Variants in NCOR2 observed in about 807,000 individuals in gnomAD.
The protein encoded by NCOR2 is CTG repeat protein 26.
A neutral mutation model predicts 262.9 loss-of-function variants in NCOR2; 81 were observed. That is an observed-to-expected ratio of 0.31 (90% confidence interval 0.26 to 0.37). The LOEUF is 0.37. Ranked by LOEUF, NCOR2 falls within the 10% of genes least tolerant of loss-of-function variation. The probability of loss-of-function intolerance (pLI) is 1.00; values close to 1 mark genes in which losing one functional copy is unlikely to be tolerated. For synonymous variants in NCOR2, 1,659 were observed against 1,559.3 expected, an observed-to-expected ratio of 1.06 and a Z score of -1.51; for missense variants, 3,385 against 3,621.4, an observed-to-expected ratio of 0.93 and a Z score of 1.68.
chr12:124,368,400 A>C (rs377648216), intron 20 of NCOR2, among the ~76,000 whole-genome samples: 2 of 152,254 alleles, frequency 1.3e-5, no homozygotes, highest in South Asian at 4.1e-4. Context: ...AAGCTGGGAC[A>C]ATCCTTGCCA....
intron 10 of NCOR2, among the ~76,000 whole-genome samples, chr12:124,429,184 C>T (rs1029713181): frequency 6.6e-6 from 1 of 152,274 alleles, no homozygotes; most frequent in Admixed American, 6.5e-5. Flanking sequence ...CATGCTCCCC[C>T]CACCCTGCCA....
In NCOR2 at chr12:124,348,327, CAA is replaced by C; in HGVS notation, c.3845-15_3845-14del. On this transcript the variant is annotated splice_polypyrimidine_tract_variant and intron_variant, in intron 28 of 46. Coordinates refer to ENST00000405201, the Ensembl canonical transcript of NCOR2. ...ACAGACATGCCACCTGGAAACCACACAAAGCACTCGGTGAGGAGCTGGGCACG... is the reference window on the plus strand; with the variant it reads ...ACAGACATGCCACCTGGAAACCACACAGCACTCGGTGAGGAGCTGGGCACG... 1 of 1,596,718 alleles carries C rather than the reference CAA, an allele frequency of 6.3e-7. No individual in the cohort carries two copies. The highest frequency in any genetic ancestry group is 8.5e-7 in the Non-Finnish European group (1 of 1,170,358).
At chr12:124,535,973 G>A (rs1359629971), upstream of NCOR2, among the ~76,000 whole-genome samples, 1 of 152,198 alleles carries the variant, frequency 6.6e-6, no homozygotes, top group African/African-American at 2.4e-5. Flanking sequence ...ACTACCCAGA[G>A]GACCCCACAA....
At chr12:124,532,056 GC>G (rs1453239270) in intron 1 of NCOR2, among the ~76,000 whole-genome samples, 4 of 152,154 alleles carry the variant, frequency 2.6e-5, no homozygotes, top group African/African-American at 9.7e-5. Flanking sequence ...CCCTGGGGAT[GC>G]CACATCGCCT....
At chr12:124,470,198 C>T (rs548639644) in intron 4 of NCOR2, among the ~76,000 whole-genome samples, 71 of 149,998 alleles carry the variant, frequency 4.7e-4, no homozygotes, top group Non-Finnish European at 9.0e-4. Context: ...GGGGGGCGGT[C>T]GGTGAGGATG....
intron 1 of NCOR2, among the ~76,000 whole-genome samples, chr12:124,547,999 T>A (rs1183454421): frequency 2.0e-5 from 3 of 152,182 alleles, no homozygotes; most frequent in African/African-American, 7.2e-5. Flanking sequence ...CTAAAACTTG[T>A]AAGGTTATAA....
chr12:124,409,096 G>A (rs199932643), intron 13 of NCOR2, among the ~76,000 whole-genome samples: 1 of 152,212 alleles, frequency 6.6e-6, no homozygotes, highest in African/African-American at 2.4e-5. Flanking sequence ...GATGCGTGTC[G>A]ACAGAACGTG....
At chr12:124,497,662 C>T (rs187023741), upstream of NCOR2, among the ~76,000 whole-genome samples, 199 of 152,322 alleles carry the variant, frequency 1.3e-3, no homozygotes, top group Non-Finnish European at 2.3e-3. The surrounding 1 kb of genome is among the most constrained non-coding windows in gnomAD (Gnocchi z 4.2). Context: ...GTGCATATTC[C>T]GACTGCCTAA....
intron 1 of NCOR2, among the ~76,000 whole-genome samples, chr12:124,527,828 T>C (rs564113188): frequency 2.6e-5 from 4 of 152,192 alleles, no homozygotes; most frequent in Non-Finnish European, 5.9e-5. Context: ...GAAGCTCCAG[T>C]AGGTTTACAA....
At position 124,504,362 on chromosome 12, in the gene NCOR2, G is replaced by A. The variant is rs1411676354; in HGVS notation, c.-117-8994C>T. Among the ~76,000 whole-genome samples, 1 of 152,178 alleles carries A rather than the reference G, an allele frequency of 6.6e-6. No homozygotes were observed. The highest frequency in any genetic ancestry group is 2.4e-5 in the African/African-American group (1 of 41,434). On this transcript the variant is annotated intron_variant, in intron 1 of 46. Transcript: ENST00000404621. This position sits in a 1 kb window ranked among gnomAD's most constrained non-coding sequence, Gnocchi z 4.5. Reference sequence around the variant, plus strand: ...CAGCTCAGCTAAGCCCCAGAGACCAGCTCTTATAAAGAGGGATTTCACAGG... The same window carrying A: ...CAGCTCAGCTAAGCCCCAGAGACCAACTCTTATAAAGAGGGATTTCACAGG...
intron 27 of NCOR2, among the ~76,000 whole-genome samples, chr12:124,351,548 A>G (rs1252379626): frequency 6.6e-6 from 1 of 152,162 alleles, no homozygotes; most frequent in Admixed American, 6.5e-5. Flanking sequence ...AACCACTGCC[A>G]TATAGGGAAT....
chr12:124,525,452 C>G (rs1182166612), intron 1 of NCOR2, among the ~76,000 whole-genome samples: 5 of 152,254 alleles, frequency 3.3e-5, no homozygotes, highest in Admixed American at 1.3e-4. Flanking sequence ...GCCCATCTCC[C>G]CATCAGCCTG....
At chr12:124,519,510 G>A (rs912910751) in intron 1 of NCOR2, among the ~76,000 whole-genome samples, 2 of 152,106 alleles carry the variant, frequency 1.3e-5, no homozygotes, top group African/African-American at 2.4e-5. Flanking sequence ...GCTGGACCAC[G>A]CGGGTGTGTT....
chr12:124,455,850 G>T (rs2045817504), intron 6 of NCOR2, among the ~76,000 whole-genome samples: 1 of 152,202 alleles, frequency 6.6e-6, no homozygotes, highest in East Asian at 1.9e-4. Flanking sequence ...GCTGAGTTTA[G>T]ATTGAGGCTC....
chr12:124,339,892 T>TTCCCCCCCCCCCCC, intron 37 of NCOR2, 114 bp downstream of exon 39: 1 of 672,816 alleles, frequency 1.5e-6, no homozygotes, highest in Non-Finnish European at 2.4e-6. Context: ...CCCACACATC[T>TTCCCCCCCCCCCCC]GCCCACCCAC....
intron 33 of NCOR2, 113 bp downstream of exon 35, chr12:124,342,891 GC>G (rs2036578049): frequency 1.7e-6 from 2 of 1,165,956 alleles, no homozygotes; most frequent in African/African-American, 3.1e-5. Context: ...CCTCAGTTTC[GC>G]CATCCAGGGG....
chr12:124,464,562 A>G (rs1260738392), intron 5 of NCOR2, among the ~76,000 whole-genome samples: 1 of 152,250 alleles, frequency 6.6e-6, no homozygotes, highest in Non-Finnish European at 1.5e-5. Context: ...GTTCTACTAA[A>G]TGCAAATAGT....
At chr12:124,418,548 C>T (rs775618061) in intron 13 of NCOR2, among the ~76,000 whole-genome samples, 11 of 152,232 alleles carry the variant, frequency 7.2e-5, no homozygotes, top group Non-Finnish European at 1.3e-4. Context: ...CCACCTGCAG[C>T]CTCTCCAGGC....
chr12:124,429,514 G>A (rs1409985801), intron 10 of NCOR2, 99 bp downstream of exon 12: 14 of 1,322,232 alleles, frequency 1.1e-5, no homozygotes, highest in African/African-American at 5.8e-5. Context: ...GCCCCTCGAC[G>A]TAAACCACCC....
Sources: gnomAD v4.1 joint callset for allele counts (sites outside exome capture counted in the v4.1 genomes callset) on GRCh38, gnomAD v4.1.1 for gene constraint, Gnocchi (gnomAD v3.1) non-coding constraint, MANE v1.5 for transcripts, NCBI Gene and HGNC (gene_info 2026-07-23, HGNC 2026-07-21) for gene names.